RWDD3: variants seen among roughly 807,000 people sequenced by gnomAD.
RWDD3 encodes the protein RWD domain containing 3.
Under a neutral mutation model 26.5 loss-of-function variants are expected in RWDD3, and 30 were observed. The observed-to-expected ratio is 1.13, with a 90% CI of 0.85 to 1.54. The LOEUF (loss-of-function observed/expected upper bound fraction) is 1.54, where lower values mean the gene tolerates loss of function less well. Among genes scored for constraint, RWDD3 ranks in the 40% most tolerant of loss-of-function variants. The pLI, the probability that RWDD3 is intolerant of heterozygous loss-of-function variation, is 0.00. For missense variants in RWDD3, 296 were observed against 309.1 expected, an observed-to-expected ratio of 0.96 and a Z score of 0.32; for synonymous variants, 113 against 114.5, an observed-to-expected ratio of 0.99 and a Z score of 0.09.
At chr1:95,234,406 C>T in intron 1 of RWDD3, 91 bp downstream of exon 1, 1 of 1,176,204 alleles carries the variant, frequency 8.5e-7, no homozygotes, top group South Asian at 1.3e-5. Context: ...CCTGGGCACC[C>T]CGCCTGGGCC....
intron 2 of RWDD3, chr1:95,244,974 G>A (rs1680794097): frequency 2.9e-6 from 1 of 341,622 alleles, no homozygotes; most frequent in African/African-American, 2.1e-5. Context: ...GCACATGAGT[G>A]TTTGTTTCTG....
intron 1 of RWDD3, 78 bp downstream of exon 1, chr1:95,234,393 G>A: frequency 7.3e-7 from 1 of 1,366,338 alleles, no homozygotes; most frequent in South Asian, 1.3e-5. Flanking sequence ...CCCCACCACG[G>A]AGCCTGGGCA....
At chr1:95,237,378 A>G (rs1680405397) in intron 1 of RWDD3, 1 of 152,274 alleles carries the variant, frequency 6.6e-6, no homozygotes, top group Non-Finnish European at 1.5e-5. Flanking sequence ...AATCAGGAGA[A>G]TGTTGCAGAG....
At chr1:95,235,351 CTTTT>C (rs1166711835) in intron 1 of RWDD3, among the ~76,000 whole-genome samples, 17 of 41,366 alleles carry the variant, frequency 4.1e-4, no homozygotes, top group Admixed American at 2.5e-3. Flanking sequence ...TGCGCCCGGC[CTTTT>C]TTTTTTTTTT....
At chr1:95,241,890 G>A (rs992013104) in intron 1 of RWDD3, among the ~76,000 whole-genome samples, 1 of 151,830 alleles carries the variant, frequency 6.6e-6, no homozygotes, top group African/African-American at 2.4e-5. Flanking sequence ...GAGCAGTCAT[G>A]CACCCACAGA....
chr1:95,239,351 A>G (rs1251755404), intron 1 of RWDD3, among the ~76,000 whole-genome samples: 2 of 152,206 alleles, frequency 1.3e-5, no homozygotes, highest in South Asian at 2.1e-4. Flanking sequence ...TCAGACTTAC[A>G]GTGCATGTGT....
chr1:95,242,157 A>G (rs542303657), intron 1 of RWDD3, among the ~76,000 whole-genome samples: 4 of 152,318 alleles, frequency 2.6e-5, no homozygotes, highest in African/African-American at 9.6e-5. Context: ...CCCACACCAG[A>G]TCCCTGGAGA....
rs202111190 is a variant in RWDD3, at chr1:95,244,239, C to T, written c.114C>T (p.His38=). 4 of 1,614,048 alleles carry T rather than the reference C, an allele frequency of 2.5e-6. No homozygotes were observed. Among genetic ancestry groups the T allele is most frequent in the South Asian group, 2.2e-5 (2 of 91,086 alleles). ...SETDGTVFRI[H]TKAEGFMDVD... The stretch of plus-strand genomic sequence containing the variant: ...CAGATGGGACCGTGTTCAGAATTCA[C>T]ACAAAAGCTGAAGGATTTATGGATG... The change falls in exon 2 of 4, where the codon CAC becomes CAT. Residue 38 remains histidine (H), a synonymous_variant. Transcript: ENST00000370202.
intron 2 of RWDD3, 161 bp from the exon 3 acceptor site, chr1:95,246,381 T>C (rs539094868): frequency 1.8e-6 from 1 of 550,196 alleles, no homozygotes; most frequent in South Asian, 2.8e-5. Context: ...TACATTATTC[T>C]GCCAAGTATG....
Position 95,236,471 on chromosome 1 carries a change from T to A in RWDD3, c.85+2156T>A, listed in dbSNP as rs769689065. Among the ~76,000 whole-genome samples the A allele has an allele frequency of 1.2e-4, 18 of 152,370 alleles. No individual in the cohort carries two copies. The South Asian group carries it at 1.7e-3, about 14-fold the overall frequency. On this transcript the variant is annotated intron_variant, in intron 1 of 3. Coordinates refer to ENST00000370202, the MANE Select transcript of RWDD3 (RefSeq NM_015485.5). Reference sequence around the variant, plus strand: ...TGACTTCCATTTATTCCTTCTTGCATTCATCCACTCACATCCACTCATTGG... The same window carrying A: ...TGACTTCCATTTATTCCTTCTTGCAATCATCCACTCACATCCACTCATTGG...
At chr1:95,246,463 CAGGTTTATAGCTCCTTTA>C (rs1383415789) in intron 2 of RWDD3, 61 bp from the exon 3 acceptor site, 1 of 730,984 alleles carries the variant, frequency 1.4e-6, no homozygotes, top group Non-Finnish European at 2.3e-6. Context: ...AATAAGCCTA[CAGGTTTATAGCTCCTTTA>C]AAACTGGGAC....
intron 1 of RWDD3, among the ~76,000 whole-genome samples, chr1:95,234,686 T>C (rs1049935551): frequency 2.7e-5 from 4 of 148,946 alleles, no homozygotes; most frequent in Admixed American, 2.7e-4. Context: ...TCCTAAGCAC[T>C]ATGCCCTAGG....
Position 95,244,590 on chromosome 1 carries a change from T to C in RWDD3, c.465T>C (p.Tyr155=). Residue 155 remains tyrosine (Y), a synonymous_variant, in exon 2 of 4, where the codon TAT becomes TAC. Transcript: ENST00000370202. ...ATCACATGAGAGCAAAGACTAAATA[T>C]GTCAAAATTGTGGAGAAGTGGGCTT... The part of the protein sequence containing the change: ...HLDHMRAKTK[Y]VKIVEKWASD... 1 of 1,614,198 alleles carries C rather than the reference T, an allele frequency of 6.2e-7. No individual in the cohort carries two copies. The highest frequency in any genetic ancestry group is 8.5e-7 in the Non-Finnish European group (1 of 1,180,044).
chr1:95,243,937 C>T (rs950426125), intron 1 of RWDD3, among the ~76,000 whole-genome samples: 4 of 152,188 alleles, frequency 2.6e-5, no homozygotes, highest in African/African-American at 9.6e-5. Flanking sequence ...GATGAAAAAC[C>T]TTTCTGGTAA....
At chr1:95,246,729 T>C (rs757270820) in intron 3 of RWDD3, 27 bp from the exon 4 acceptor site, 2 of 1,535,124 alleles carry the variant, frequency 1.3e-6, no homozygotes, top group Non-Finnish European at 1.8e-6. Context: ...TCTAGGCATA[T>C]TCATGAGTTT....
chr1:95,240,722 G>T (rs548535735), intron 1 of RWDD3, among the ~76,000 whole-genome samples: 1 of 152,146 alleles, frequency 6.6e-6, no homozygotes, highest in South Asian at 2.1e-4. Flanking sequence ...GTGGGGAGAG[G>T]CAGGCGGCGA....
In RWDD3 at chr1:95,246,808, G is replaced by A; in HGVS notation, c.742G>A (p.Glu248Lys). The A allele has an allele frequency of 6.4e-7, 1 of 1,570,508 alleles. No individual in the cohort carries two copies. Among genetic ancestry groups the A allele is most frequent in the South Asian group, 1.2e-5 (1 of 83,724 alleles). Residue 248 changes from glutamate to lysine, a missense_variant, in exon 4 of 4, where the codon GAA becomes AAA. Coordinates refer to ENST00000370202, the MANE Select transcript of RWDD3 (RefSeq NM_015485.5). ...EYSALDELQK[E>K]FETAGLKKLF... Reference sequence around the variant, plus strand: ...TTCAGCGTTGGATGAATTACAAAAGGAATTTGAAACTGCAGGACTTAAGAA... The same window carrying A: ...TTCAGCGTTGGATGAATTACAAAAGAAATTTGAAACTGCAGGACTTAAGAA...
chr1:95,239,731 G>T, intron 1 of RWDD3: 1 of 1,220,076 alleles, frequency 8.2e-7, no homozygotes, highest in Non-Finnish European at 1.0e-6. Flanking sequence ...GTTTTCTAAG[G>T]TGAAAGTCAG....
chr1:95,236,837 G>T (rs1290270378), intron 1 of RWDD3, among the ~76,000 whole-genome samples: 1 of 152,158 alleles, frequency 6.6e-6, no homozygotes, highest in African/African-American at 2.4e-5. Context: ...ACTGGTAATG[G>T]TCTGGGTCAT....
Sources: gnomAD v4.1 joint callset for allele counts (sites outside exome capture counted in the v4.1 genomes callset) on GRCh38, gnomAD v4.1.1 for gene constraint, MANE v1.5 for transcripts, NCBI Gene and HGNC (gene_info 2026-07-23, HGNC 2026-07-21) for gene names.